Variants in TCF7L2 observed in about 807,000 individuals in gnomAD.
TCF7L2 encodes the protein transcription factor 7-like 2.
Under a neutral mutation model 77.9 loss-of-function variants are expected in TCF7L2, and 23 were observed. The observed-to-expected ratio is 0.30, with a 90% CI of 0.21 to 0.42. The LOEUF (loss-of-function observed/expected upper bound fraction) is 0.42. Among genes scored for constraint, TCF7L2 ranks in the 10% least tolerant of loss-of-function variants. TCF7L2 has a pLI of 1.00. For missense variants in TCF7L2, 654 were observed against 793.1 expected (o/e 0.82, Z 2.11); for synonymous variants, 413 against 340.2 (o/e 1.21, Z -2.36).
At chr10:113,058,819 C>T (rs147454527) in intron 5 of TCF7L2, among the ~76,000 whole-genome samples, 35 of 152,260 alleles carry the variant, frequency 2.3e-4, no homozygotes, top group African/African-American at 7.2e-4. Context: ...AGCAGGCCAG[C>T]GTTGCTGCTT....
chr10:113,086,057 C>A (rs978167910), intron 5 of TCF7L2, among the ~76,000 whole-genome samples: 3 of 152,210 alleles, frequency 2.0e-5, no homozygotes, highest in East Asian at 1.9e-4. Context: ...AGACTGGCCA[C>A]CTGCTTCATT....
chr10:113,033,407 C>T (rs373043631), intron 4 of TCF7L2, among the ~76,000 whole-genome samples: 24 of 151,894 alleles, frequency 1.6e-4, no homozygotes, highest in East Asian at 5.8e-4. Context: ...CACAGGCACG[C>T]GCCACCACAC....
At chr10:113,136,157 A>G (rs2067356739) in intron 5 of TCF7L2, among the ~76,000 whole-genome samples, 2 of 152,232 alleles carry the variant, frequency 1.3e-5, no homozygotes, top group African/African-American at 4.8e-5. Flanking sequence ...AATGCCGACT[A>G]CTTCATAGGC....
In TCF7L2 at chr10:113,151,016, C is replaced by T; in HGVS notation, c.894C>T (p.Val298=). The change falls in exon 9 of 14, where the codon GTC becomes GTT. Residue 298 remains valine (V), a synonymous_variant. Coordinates refer to ENST00000627217, the MANE Select transcript of TCF7L2 (RefSeq NM_001146274.2). This position sits in a 1 kb window ranked among gnomAD's most constrained non-coding sequence, Gnocchi z 5.2. ...CTTCTAGGTTCCCTCCCCATATGGT[C>T]CCACCACATCATACGCTACACACGA... 1 of 1,613,950 alleles carries T rather than the reference C, an allele frequency of 6.2e-7. No homozygotes were observed. Among genetic ancestry groups the T allele is most frequent in the Non-Finnish European group, 8.5e-7 (1 of 1,180,000 alleles).
chr10:113,140,998 A>T (rs1005453797), intron 5 of TCF7L2, among the ~76,000 whole-genome samples, 186 bp from the exon 6 acceptor site: 2 of 152,144 alleles, frequency 1.3e-5, no homozygotes, highest in African/African-American at 4.8e-5. Context: ...CCACCCAGAG[A>T]GCTGTCTTAC....
intron 4 of TCF7L2, among the ~76,000 whole-genome samples, 195 bp downstream of exon 4, chr10:112,964,819 G>GGC (rs1564719566): frequency 1.4e-5 from 2 of 138,688 alleles, no homozygotes; most frequent in Non-Finnish European, 1.6e-5. Flanking sequence ...TGGTGGGGGG[G>GGC]GGTTGAATCA....
intron 4 of TCF7L2, among the ~76,000 whole-genome samples, chr10:112,983,496 A>G (rs1474470694): frequency 1.3e-5 from 2 of 152,112 alleles, no homozygotes; most frequent in Non-Finnish European, 2.9e-5. Flanking sequence ...TAAATAAATT[A>G]ATTAATTAAA....
intron 4 of TCF7L2, among the ~76,000 whole-genome samples, chr10:112,983,029 A>G (rs1480159068): frequency 3.3e-5 from 5 of 152,176 alleles, no homozygotes; most frequent in Admixed American, 3.3e-4. Context: ...GATGGGACTT[A>G]TAATTATTAT....
At chr10:112,958,991 G>A (rs750048019) in intron 3 of TCF7L2, among the ~76,000 whole-genome samples, 2 of 152,130 alleles carry the variant, frequency 1.3e-5, no homozygotes, top group African/African-American at 4.8e-5. Flanking sequence ...TTCAGCCCAC[G>A]TGTTTTTCTA....
intron 13 of TCF7L2, among the ~76,000 whole-genome samples, chr10:113,163,187 G>A (rs993720641): frequency 1.3e-5 from 2 of 152,056 alleles, no homozygotes; most frequent in African/African-American, 4.8e-5. Context: ...CCTATGATCT[G>A]GAAACTTCCA....
chr10:113,089,593 C>A, intron 5 of TCF7L2: 1 of 1,594,556 alleles, frequency 6.3e-7, no homozygotes, highest in Non-Finnish European at 8.5e-7. Context: ...TAAAATGAAG[C>A]CGCCCACCCA....
At chr10:113,008,713 C>G (rs2045978538) in intron 4 of TCF7L2, among the ~76,000 whole-genome samples, 1 of 152,134 alleles carries the variant, frequency 6.6e-6, no homozygotes, top group African/African-American at 2.4e-5. Context: ...TAAAGTAACA[C>G]TTTGTACTGC....
intron 3 of TCF7L2, among the ~76,000 whole-genome samples, chr10:112,957,329 C>T (rs2033931830): frequency 6.7e-6 from 1 of 149,934 alleles, no homozygotes; most frequent in Non-Finnish European, 1.5e-5. Context: ...GGAAAATGTA[C>T]ACATTACATA....
chr10:113,034,064 T>A (rs7900150), intron 4 of TCF7L2, among the ~76,000 whole-genome samples: 80,946 of 152,084 alleles, frequency 0.53, 24,314 homozygotes, highest in African/African-American at 0.81. Flanking sequence ...TTATAGAAGA[T>A]GGGCTGAATT....
At chr10:113,137,074 A>G (rs1390036795) in intron 5 of TCF7L2, among the ~76,000 whole-genome samples, 1 of 151,820 alleles carries the variant, frequency 6.6e-6, no homozygotes, top group African/African-American at 2.4e-5. Flanking sequence ...ATTTATTGGC[A>G]TAGTAAAGTG....
intron 5 of TCF7L2, among the ~76,000 whole-genome samples, chr10:113,079,020 A>T (rs760221653): frequency 2.0e-5 from 3 of 151,604 alleles, no homozygotes; most frequent in African/African-American, 4.8e-5. Flanking sequence ...TTTAATAGAG[A>T]CGGGGGTTTC....
chr10:113,074,149 A>C (rs2058439406), intron 5 of TCF7L2, among the ~76,000 whole-genome samples: 1 of 152,186 alleles, frequency 6.6e-6, no homozygotes, highest in Admixed American at 6.5e-5. Context: ...CACAGACGTC[A>C]TCTTGGATCT....
chr10:112,972,475 T>C (rs2038480490), intron 4 of TCF7L2, among the ~76,000 whole-genome samples: 1 of 152,164 alleles, frequency 6.6e-6, no homozygotes, highest in South Asian at 2.1e-4. Flanking sequence ...TTGTGAATTA[T>C]TATTACTATT....
chr10:113,053,948 AG>A (rs1410849669), intron 5 of TCF7L2, among the ~76,000 whole-genome samples: 1 of 152,244 alleles, frequency 6.6e-6, no homozygotes, highest in Non-Finnish European at 1.5e-5. Flanking sequence ...CATCGGAGCC[AG>A]GACTCTCACC....
Sources: gnomAD v4.1 joint callset for allele counts (sites outside exome capture counted in the v4.1 genomes callset) on GRCh38, gnomAD v4.1.1 for gene constraint, Gnocchi (gnomAD v3.1) non-coding constraint, MANE v1.5 for transcripts, NCBI Gene and HGNC (gene_info 2026-07-23, HGNC 2026-07-21) for gene names.